CDH12: variants seen among roughly 807,000 people sequenced by gnomAD.
CDH12 encodes cadherin-12.
CDH12 carries 41 observed loss-of-function variants against 74.1 expected under a neutral mutation model. The ratio of observed to expected loss-of-function variants is 0.55; its 90% CI spans 0.43 to 0.72. The LOEUF is 0.72. CDH12 is among the 30% of genes least tolerant of loss of function. CDH12 has a pLI of 0.00. For synonymous variants in CDH12, 399 were observed against 355.0 expected (o/e 1.12, Z -1.39); for missense variants, 945 against 977.2 (o/e 0.97, Z 0.44).
intron 4 of CDH12, among the ~76,000 whole-genome samples, chr5:22,090,027 A>C (rs978806717): frequency 2.0e-5 from 3 of 152,030 alleles, no homozygotes; most frequent in African/African-American, 7.2e-5. Context: ...AACTCAAAAC[A>C]ATCAGAAGTA....
chr5:22,197,711 A>G (rs1265374373), intron 4 of CDH12, among the ~76,000 whole-genome samples: 2 of 152,018 alleles, frequency 1.3e-5, no homozygotes, highest in African/African-American at 4.8e-5. Flanking sequence ...CCTAAAATAC[A>G]TCTATACCAT....
chr5:22,141,009 T>C lies in CDH12; in HGVS notation c.-186-62147A>G, dbSNP rs1204902469. Among the ~76,000 whole-genome samples, 3 of 152,190 alleles carry C rather than the reference T, an allele frequency of 2.0e-5. No homozygotes were observed. The East Asian group carries it at 5.8e-4, about 29-fold the overall frequency. ...TATCAACTCAGATTAAATTAAAACC[T>C]TTCCTCCTAGTGGACAACAAGGCAC... On this transcript the variant is annotated intron_variant, in intron 4 of 14. Coordinates refer to ENST00000382254, the MANE Select transcript of CDH12 (RefSeq NM_004061.5).
Position 22,120,122 on chromosome 5 carries a change from T to A in CDH12, c.-186-41260A>T, listed in dbSNP as rs530004843. ...TTTGTACAAAACTGAATCATCACTTTCTTTTTTGGTAACTGAAACTCCCAG... is the reference window on the plus strand; with the variant it reads ...TTTGTACAAAACTGAATCATCACTTACTTTTTTGGTAACTGAAACTCCCAG... On this transcript the variant is annotated intron_variant, in intron 4 of 14. Coordinates refer to ENST00000382254, the MANE Select transcript of CDH12 (RefSeq NM_004061.5). 3.7e-4 allele frequency among the ~76,000 whole-genome samples: 57 copies of A among 152,306 alleles called. 1 individual carries two copies. Among genetic ancestry groups the A allele is most frequent in the Admixed American group, 1.6e-3 (25 of 15,300 alleles).
intron 6 of CDH12, among the ~76,000 whole-genome samples, chr5:21,916,394 T>C (rs1468000967): frequency 6.6e-6 from 1 of 152,208 alleles, no homozygotes; most frequent in East Asian, 1.9e-4. Flanking sequence ...GGTCTTCAAA[T>C]AAGCTCCAGT....
intron 4 of CDH12, among the ~76,000 whole-genome samples, chr5:22,153,060 C>T (rs1234300262): frequency 6.6e-6 from 1 of 151,980 alleles, no homozygotes; most frequent in Non-Finnish European, 1.5e-5. Context: ...GGACGATGCT[C>T]CAGTGAGCAT....
chr5:22,216,853 C>T (rs1190544206), intron 3 of CDH12, among the ~76,000 whole-genome samples: 8 of 151,624 alleles, frequency 5.3e-5, no homozygotes, highest in Admixed American at 4.6e-4. Context: ...GTTTTCTAAC[C>T]GAAGCCATTT....
At chr5:22,096,705 C>G (rs2150244742) in intron 4 of CDH12, among the ~76,000 whole-genome samples, 1 of 152,210 alleles carries the variant, frequency 6.6e-6, no homozygotes, top group South Asian at 2.1e-4. Flanking sequence ...CTACCTCTCC[C>G]AGATCAGTTA....
intron 1 of CDH12, among the ~76,000 whole-genome samples, chr5:22,581,060 AT>A (rs1740072017): frequency 1.3e-5 from 2 of 152,198 alleles, no homozygotes; most frequent in South Asian, 4.1e-4. Context: ...TAGAAAAAAA[AT>A]CCCATTTTCT....
At chr5:22,153,901 T>C (rs867374651) in intron 4 of CDH12, among the ~76,000 whole-genome samples, 6,211 of 53,852 alleles carry the variant, frequency 0.12, 397 homozygotes, top group African/African-American at 0.24. Flanking sequence ...TATATATATA[T>C]ATACACACAC....
At chr5:22,529,099 T>C (rs1737431960) in intron 1 of CDH12, among the ~76,000 whole-genome samples, 1 of 108,282 alleles carries the variant, frequency 9.2e-6, no homozygotes, top group South Asian at 2.7e-4. Context: ...AAAACATGAA[T>C]ATATGCATAT....
At chr5:21,936,442 C>A (rs1755077912) in intron 6 of CDH12, among the ~76,000 whole-genome samples, 1 of 151,852 alleles carries the variant, frequency 6.6e-6, no homozygotes, top group African/African-American at 2.4e-5. Flanking sequence ...TAAATATTTA[C>A]CTTGTCTCAG....
chr5:22,580,942 A>C (rs1740066066), intron 1 of CDH12: 1 of 160,548 alleles, frequency 6.2e-6, no homozygotes, highest in Admixed American at 6.4e-5. Context: ...AGAAATTTCT[A>C]AGCAGCAAAG....
At chr5:22,125,274 C>T (rs1055327751) in intron 4 of CDH12, among the ~76,000 whole-genome samples, 8 of 152,108 alleles carry the variant, frequency 5.3e-5, no homozygotes, top group Admixed American at 1.3e-4. Context: ...CCCCACTCCC[C>T]GACAGGCCTC....
intron 2 of CDH12, among the ~76,000 whole-genome samples, chr5:22,485,140 C>T (rs184841232): frequency 1.5e-4 from 23 of 151,848 alleles, no homozygotes; most frequent in Admixed American, 6.6e-4. Context: ...TGTTTATTAT[C>T]TTATTTATGG....
chr5:22,115,438 C>T (rs558698884), intron 4 of CDH12, among the ~76,000 whole-genome samples: 2 of 152,212 alleles, frequency 1.3e-5, no homozygotes, highest in East Asian at 3.9e-4. Context: ...AGATTAGCAG[C>T]TAAAAAGACA....
At position 22,257,247 on chromosome 5, in the gene CDH12, A is replaced by G. The variant is rs868276640; in HGVS notation, c.-332-44604T>C. On this transcript the variant is annotated intron_variant, in intron 3 of 14. Coordinates refer to ENST00000382254, the MANE Select transcript of CDH12 (RefSeq NM_004061.5). ...TACTAAGCCTAATACCTGGGTGACAACATAATCTGCACAACAAACTCCATG... is the reference window on the plus strand; with the variant it reads ...TACTAAGCCTAATACCTGGGTGACAGCATAATCTGCACAACAAACTCCATG... Among the ~76,000 whole-genome samples the G allele has an allele frequency of 4.6e-5, 7 of 152,302 alleles. No individual in the cohort carries two copies. The South Asian group carries it at 6.2e-4, about 14-fold the overall frequency.
In CDH12 at chr5:22,074,019, T is replaced by A. The variant is rs561304943; in HGVS notation, c.231+4427A>T. Among the ~76,000 whole-genome samples the A allele has an allele frequency of 3.5e-3, 526 of 152,222 alleles. 1 individual carries two copies. The highest frequency in any genetic ancestry group is 0.012 in the African/African-American group (512 of 41,554). On this transcript the variant is annotated intron_variant, in intron 5 of 14. Transcript: ENST00000382254. ...ACAATGTAAGTTTGAACTGCATAGG[T>A]TTACTTTATGTGGATTTTCTTCCAT... is the stretch of plus-strand genomic sequence containing the variant.
At chr5:22,388,498 C>T (rs1344295095) in intron 3 of CDH12, among the ~76,000 whole-genome samples, 1 of 151,848 alleles carries the variant, frequency 6.6e-6, no homozygotes, top group Non-Finnish European at 1.5e-5. Context: ...TAAGACCTAA[C>T]AAGGACATTA....
intron 5 of CDH12, among the ~76,000 whole-genome samples, chr5:22,022,298 A>T (rs1281542602): frequency 1.3e-5 from 2 of 152,012 alleles, no homozygotes; most frequent in Non-Finnish European, 2.9e-5. Context: ...ACTTTTCATG[A>T]TACTGACTCA....
Sources: gnomAD v4.1 joint callset for allele counts (sites outside exome capture counted in the v4.1 genomes callset) on GRCh38, gnomAD v4.1.1 for gene constraint, MANE v1.5 for transcripts, NCBI Gene and HGNC (gene_info 2026-07-23, HGNC 2026-07-21) for gene names.